KIF3C: variants seen among roughly 807,000 people sequenced by gnomAD.
The protein encoded by KIF3C is kinesin family member 3C.
KIF3C carries 12 observed loss-of-function variants against 67.7 expected under a neutral mutation model. That is an observed-to-expected ratio of 0.18 (90% CI 0.11 to 0.29). The LOEUF is 0.29. Ranked by LOEUF, KIF3C falls within the 10% of genes least tolerant of loss-of-function variation. The probability of loss-of-function intolerance (pLI) is 1.00; values close to 1 mark genes in which losing one functional copy is unlikely to be tolerated. For synonymous variants in KIF3C, 393 were observed against 426.2 expected (o/e 0.92, Z 0.96); for missense variants, 789 against 1,059.6 (o/e 0.74, Z 3.55).
At chr2:25,973,428 C>G (rs1264130069) in intron 1 of KIF3C, among the ~76,000 whole-genome samples, 1 of 151,930 alleles carries the variant, frequency 6.6e-6, no homozygotes, top group Non-Finnish European at 1.5e-5. Flanking sequence ...GTGGCGTGCA[C>G]CTGTAATCCC....
In KIF3C at chr2:25,981,660, G is replaced by C. The variant is rs753513343; in HGVS notation, c.258C>G (p.Leu86=). The change falls in exon 1 of 8, where the codon CTC becomes CTG. Residue 86 remains leucine, a synonymous_variant. Transcript: ENST00000264712. This position sits in a 1 kb window ranked among gnomAD's most constrained non-coding sequence, Gnocchi z 8.2. ...CAAACACCGTGCCATTGAAACCCTGGAGCACGGAGTCTATCAGGGGCCTCA... is the reference window on the plus strand; with the variant it reads ...CAAACACCGTGCCATTGAAACCCTGCAGCACGGAGTCTATCAGGGGCCTCA... ...ETVRPLIDSV[L]QGFNGTVFAY... 71 of 1,614,178 alleles carry C rather than the reference G, an allele frequency of 4.4e-5. No homozygotes were observed. The highest frequency in any genetic ancestry group is 5.1e-5 in the Non-Finnish European group (60 of 1,180,052).
intron 1 of KIF3C, among the ~76,000 whole-genome samples, chr2:25,973,587 T>C (rs1664335475): frequency 6.6e-6 from 1 of 150,710 alleles, no homozygotes; most frequent in Non-Finnish European, 1.5e-5. Context: ...ACATATTTAA[T>C]GTATACAACT....
chr2:25,953,591 A>AT (rs1268376278), intron 4 of KIF3C, among the ~76,000 whole-genome samples: 1 of 150,626 alleles, frequency 6.6e-6, no homozygotes, highest in Non-Finnish European at 1.5e-5. Context: ...CGATCTCCTG[A>AT]CCTCGTGATC....
In KIF3C at chr2:25,981,776, G is replaced by A. The variant is rs755245466; in HGVS notation, c.142C>T (p.Arg48Cys). ...KLGQVTLRNP[R>C]AAPGELPKTF... ...TTGGGCAGCTCCCCCGGGGCGGCGC[G>A]GGGGTTCCGCAGGGTCACCTGGCCC... is the stretch of plus-strand genomic sequence containing the variant. The change falls in exon 1 of 8, where the codon CGC (arginine) becomes TGC (cysteine). Residue 48 changes from arginine (R) to cysteine (C), a missense_variant. By Grantham distance (180) the Arg-to-Cys change is radical. Coordinates refer to ENST00000264712, the MANE Select transcript of KIF3C (RefSeq NM_002254.8). The surrounding 1 kb of genome is among the most constrained non-coding windows in gnomAD (Gnocchi z 8.2). 6.2e-7 allele frequency: 1 copy of A among 1,613,156 alleles called. No individual in the cohort carries two copies. The highest frequency in any genetic ancestry group is 8.5e-7 in the Non-Finnish European group (1 of 1,179,428).
intron 1 of KIF3C, among the ~76,000 whole-genome samples, chr2:25,971,963 G>C (rs1051400696): frequency 4.3e-5 from 6 of 140,894 alleles, no homozygotes; most frequent in East Asian, 2.1e-4. Context: ...CTGGCCTCAA[G>C]TGATCCTCCT....
chr2:25,935,072 C>T (rs1476720547), intron 5 of KIF3C, among the ~76,000 whole-genome samples: 5 of 152,048 alleles, frequency 3.3e-5, no homozygotes, highest in East Asian at 1.9e-4. Context: ...GGTGAAACCC[C>T]GTCTCTACAG....
rs532325767 is a variant in KIF3C, at chr2:25,981,149, C to A, written c.769G>T (p.Gly257Cys). Residue 257 changes from glycine to cysteine, a missense_variant, in exon 1 of 8, where the codon GGC becomes TGC. Around this residue, in one of 2 missense-constraint regions of KIF3C, gnomAD observed 648 missense variants for 807.8 expected, o/e 0.80. Transcript: ENST00000264712. The surrounding 1 kb of genome is among the most constrained non-coding windows in gnomAD (Gnocchi z 8.2). ...GCTGCCCCTCCCGCTGTGTTGGGGCCTGCCTTGTTCTGCCTCTCGCTGCCA... is the reference window on the plus strand; with the variant it reads ...GCTGCCCCTCCCGCTGTGTTGGGGCATGCCTTGTTCTGCCTCTCGCTGCCA... ...LAGSERQNKAGPNTAGGAATP... is the reference protein window; with the variant it reads ...LAGSERQNKACPNTAGGAATP... The A allele has an allele frequency of 5.6e-5, 91 of 1,614,134 alleles. 1 individual carries two copies. In the South Asian group the frequency reaches 9.0e-4, roughly 16 times the overall value.
chr2:25,963,633 A>G (rs1053759671), intron 1 of KIF3C, among the ~76,000 whole-genome samples: 1 of 150,962 alleles, frequency 6.6e-6, no homozygotes, highest in African/African-American at 2.4e-5. Context: ...TAAATAATGG[A>G]ACCATTTTTA....
At chr2:25,976,700 C>T (rs1288592400) in intron 1 of KIF3C, among the ~76,000 whole-genome samples, 2 of 152,226 alleles carry the variant, frequency 1.3e-5, no homozygotes, top group East Asian at 1.9e-4. Context: ...GGCAGGGTTG[C>T]AATGAGCTGA....
chr2:25,961,492 T>C (rs1156363432), intron 1 of KIF3C, among the ~76,000 whole-genome samples: 5 of 152,270 alleles, frequency 3.3e-5, no homozygotes, highest in Admixed American at 3.3e-4. Flanking sequence ...CAATTTTACA[T>C]TTTGGGGAAA....
At chr2:25,931,003 T>TA (rs2090454555) in intron 5 of KIF3C, among the ~76,000 whole-genome samples, 1 of 152,152 alleles carries the variant, frequency 6.6e-6, no homozygotes, top group Non-Finnish European at 1.5e-5. Flanking sequence ...AGTATATTGT[T>TA]ATAATTGTTT....
chr2:25,952,877 G>A (rs1663661009), intron 4 of KIF3C, among the ~76,000 whole-genome samples: 1 of 152,152 alleles, frequency 6.6e-6, no homozygotes, highest in East Asian at 1.9e-4. Context: ...AACTTAAAGA[G>A]TGTAACTGGA....
chr2:25,953,276 A>T (rs1303982998), intron 4 of KIF3C, among the ~76,000 whole-genome samples: 6 of 152,168 alleles, frequency 3.9e-5, no homozygotes, highest in Non-Finnish European at 7.3e-5. Flanking sequence ...CTCCAAAAAA[A>T]AAAAATCTAA....
intron 5 of KIF3C, among the ~76,000 whole-genome samples, chr2:25,946,613 G>A (rs1193359645): frequency 5.9e-5 from 9 of 152,150 alleles, no homozygotes; most frequent in African/African-American, 1.4e-4. Context: ...ACTTGAACCC[G>A]GGAGGCGGAG....
At chr2:25,946,606 T>C (rs532842608) in intron 5 of KIF3C, among the ~76,000 whole-genome samples, 53 of 152,300 alleles carry the variant, frequency 3.5e-4, no homozygotes, top group Non-Finnish European at 7.2e-4. Flanking sequence ...TAGAATCACT[T>C]GAACCCGGGA....
intron 1 of KIF3C, among the ~76,000 whole-genome samples, chr2:25,970,011 C>T (rs889046229): frequency 2.6e-5 from 4 of 152,178 alleles, no homozygotes; most frequent in African/African-American, 7.2e-5. Context: ...CCACTGCACC[C>T]GGCCAAAGAT....
In KIF3C at chr2:25,982,228, C is replaced by T. The variant is rs1007774226; in HGVS notation, c.-311G>A. The stretch of plus-strand genomic sequence containing the variant: ...GCCCCATGCAGGAGCAGAGGGAGCG[C>T]TGCCGTAAACAGCTTCGGCAACAAT... On this transcript the variant is annotated 5_prime_UTR_variant, in exon 1 of 8. Transcript: ENST00000264712. The T allele has an allele frequency of 9.0e-5, 38 of 421,158 alleles. No individual in the cohort carries two copies. The highest frequency in any genetic ancestry group is 1.5e-4 in the Non-Finnish European group (36 of 239,834). 26.1% of individuals were successfully genotyped at this position (421,158 alleles called of 1,614,324 possible). A position where few individuals can be genotyped will look rare whatever the true frequency, so the allele number is the denominator to read the frequency against.
intron 1 of KIF3C, among the ~76,000 whole-genome samples, chr2:25,971,190 T>C (rs910926976): frequency 1.4e-5 from 2 of 147,374 alleles, no homozygotes; most frequent in African/African-American, 5.1e-5. Context: ...GAGAATGGTG[T>C]GAAGCTGGGA....
intron 5 of KIF3C, among the ~76,000 whole-genome samples, chr2:25,942,124 G>C (rs777663803): frequency 6.6e-6 from 1 of 152,090 alleles, no homozygotes; most frequent in Admixed American, 6.5e-5. Flanking sequence ...TTGGGATGCC[G>C]AGACAGGCGG....
Sources: allele counts gnomAD v4.1 joint callset (sites outside exome capture counted in the v4.1 genomes callset), GRCh38; gene constraint gnomAD v4.1.1; regional missense constraint gnomAD v4.1.1; non-coding constraint Gnocchi (gnomAD v3.1); transcripts MANE v1.5; gene names NCBI Gene and HGNC (gene_info 2026-07-23, HGNC 2026-07-21).